Variants in EYS observed in about 807,000 individuals in gnomAD.
The protein encoded by EYS is EGF-like photoreceptor maintenance factor.
In EYS, 250 loss-of-function variants were observed where a neutral mutation model predicts 282.1. The observed-to-expected ratio is 0.89, with a 90% confidence interval of 0.80 to 0.98. The LOEUF (loss-of-function observed/expected upper bound fraction) is 0.98, where lower values mean the gene tolerates loss of function less well. Ranked by LOEUF, EYS falls within the 50% of genes least tolerant of loss-of-function variation. EYS has a pLI of 0.00. For missense variants in EYS, 4,016 were observed against 3,709.0 expected, an observed-to-expected ratio of 1.08 and a Z score of -2.15; for synonymous variants, 1,355 against 1,282.9, an observed-to-expected ratio of 1.06 and a Z score of -1.20.
chr6:64,870,387 T>C (rs1176787665), intron 19 of EYS, among the ~76,000 whole-genome samples: 1 of 132,054 alleles, frequency 7.6e-6, no homozygotes, highest in Non-Finnish European at 1.7e-5. Context: ...ATTAAAAAAC[T>C]AAAAATAAAC....
intron 12 of EYS, among the ~76,000 whole-genome samples, chr6:65,072,298 G>A (rs1475049883): frequency 6.6e-6 from 1 of 151,736 alleles, no homozygotes; most frequent in Non-Finnish European, 1.5e-5. Flanking sequence ...ACAATAGTAG[G>A]AGAAGGAATC....
intron 26 of EYS, among the ~76,000 whole-genome samples, chr6:64,551,191 CATATATACACACATATATAT>C (rs1364189570): frequency 1.4e-5 from 2 of 147,658 alleles, no homozygotes; most frequent in South Asian, 2.1e-4. Context: ...CACATATATA[CATATATACACACATATATAT>C]ATATACATAT....
At chr6:64,754,794 T>A (rs941370181) in intron 22 of EYS, among the ~76,000 whole-genome samples, 2 of 152,084 alleles carry the variant, frequency 1.3e-5, no homozygotes, top group African/African-American at 4.8e-5. Context: ...AAGTAAGCTA[T>A]CTCAAAAGTA....
chr6:63,758,891 G>A (rs1414669148), intron 41 of EYS, among the ~76,000 whole-genome samples: 1 of 151,974 alleles, frequency 6.6e-6, no homozygotes, highest in Non-Finnish European at 1.5e-5. Flanking sequence ...AAAAGAAGGT[G>A]GGCAGACCTG....
chr6:65,428,552 G>A (rs1269179026), intron 5 of EYS, among the ~76,000 whole-genome samples: 2 of 151,664 alleles, frequency 1.3e-5, no homozygotes, highest in African/African-American at 4.8e-5. Context: ...ATCCAAGCTG[G>A]AATTGTATGC....
intron 26 of EYS, among the ~76,000 whole-genome samples, chr6:64,451,947 A>G (rs1053581755): frequency 3.9e-5 from 6 of 152,352 alleles, no homozygotes; most frequent in African/African-American, 1.4e-4. Context: ...GAAATGTGGC[A>G]CAAGACAGGG....
rs70999172 is a variant in EYS at position 64,766,649 on chromosome 6, AATATATATATATATATATAT to A, written c.3443+46709_3443+46728del. On this transcript the variant is annotated intron_variant, in intron 22 of 42. Transcript: ENST00000503581. Reference sequence around the variant, plus strand: ...TCCGTCTCAAAAAAAAAAAAAAAAAAATATATATATATATATATATATATATATATATATAAAATCTAACA... The same window carrying A: ...TCCGTCTCAAAAAAAAAAAAAAAAAAATATATATATATATAAAATCTAACA... 5.2e-4 allele frequency among the ~76,000 whole-genome samples: 10 copies of A among 19,068 alleles called. 1 individual carries two copies. Among genetic ancestry groups the A allele is most frequent in the African/African-American group, 1.5e-3 (8 of 5,498 alleles). 12.5% of individuals were successfully genotyped at this position (19,068 alleles called of 152,430 possible).
At chr6:63,744,758 G>A (rs1769171088) in intron 41 of EYS, 1 of 185,408 alleles carries the variant, frequency 5.4e-6, no homozygotes, top group Non-Finnish European at 1.1e-5. Context: ...AGTAGAGACG[G>A]GGTTTCCCCA....
intron 2 of EYS, among the ~76,000 whole-genome samples, chr6:65,632,339 AGT>A (rs1766946410): frequency 6.6e-6 from 1 of 152,160 alleles, no homozygotes; most frequent in Non-Finnish European, 1.5e-5. Flanking sequence ...GCATTTTGGA[AGT>A]GTAAATACTC....
chr6:64,649,925 C>A (rs1420133474), intron 22 of EYS, among the ~76,000 whole-genome samples: 1 of 152,078 alleles, frequency 6.6e-6, no homozygotes, highest in Non-Finnish European at 1.5e-5. Flanking sequence ...ATGGACTACT[C>A]ACAGAAATTA....
intron 14 of EYS, among the ~76,000 whole-genome samples, chr6:64,979,924 A>G (rs1770596582): frequency 6.6e-6 from 1 of 151,588 alleles, no homozygotes; most frequent in Non-Finnish European, 1.5e-5. Context: ...AAAGTAAATA[A>G]TATTTTCAAC....
intron 12 of EYS, among the ~76,000 whole-genome samples, chr6:65,222,548 G>C (rs771307092): frequency 2.6e-4 from 40 of 152,188 alleles, no homozygotes; most frequent in Non-Finnish European, 5.3e-4. Flanking sequence ...CTCAGTCTCA[G>C]TATGTCTTTA....
At chr6:65,052,623 G>A (rs1186822428) in intron 13 of EYS, among the ~76,000 whole-genome samples, 1 of 151,558 alleles carries the variant, frequency 6.6e-6, no homozygotes, top group Admixed American at 6.6e-5. Flanking sequence ...TACATGAAAA[G>A]CATGAGGTTT....
chr6:64,845,371 C>G (rs189191808), intron 19 of EYS, among the ~76,000 whole-genome samples: 18 of 152,216 alleles, frequency 1.2e-4, no homozygotes, highest in Admixed American at 1.1e-3. Context: ...CCTAAACATA[C>G]TAAGTTTCCT....
chr6:65,128,664 A>T (rs141166998), intron 12 of EYS, among the ~76,000 whole-genome samples: 1 of 152,182 alleles, frequency 6.6e-6, no homozygotes, highest in East Asian at 1.9e-4. Flanking sequence ...CTCCTGAGAG[A>T]TTACACAAAT....
At chr6:65,629,992 A>G (rs887169689) in intron 2 of EYS, among the ~76,000 whole-genome samples, 2 of 152,228 alleles carry the variant, frequency 1.3e-5, no homozygotes, top group African/African-American at 4.8e-5. Flanking sequence ...AAGAACTCCC[A>G]AAGGTCAATC....
intron 26 of EYS, among the ~76,000 whole-genome samples, chr6:64,473,444 C>CCAA (rs1345728897): frequency 6.6e-6 from 1 of 152,070 alleles, no homozygotes; most frequent in Non-Finnish European, 1.5e-5. Flanking sequence ...GCAGTCAGTA[C>CCAA]CAACTGACAC....
At chr6:65,466,918 G>C (rs774383290) in intron 5 of EYS, among the ~76,000 whole-genome samples, 1 of 152,152 alleles carries the variant, frequency 6.6e-6, no homozygotes, top group Non-Finnish European at 1.5e-5. Context: ...AGCAGCTTAG[G>C]CTTTATCACC....
At chr6:64,110,141 G>A (rs916829187) in intron 31 of EYS, among the ~76,000 whole-genome samples, 2 of 151,830 alleles carry the variant, frequency 1.3e-5, no homozygotes, top group Non-Finnish European at 2.9e-5. Context: ...GGTGATTAAC[G>A]ATATTTTGTT....
Sources: allele counts gnomAD v4.1 joint callset (sites outside exome capture counted in the v4.1 genomes callset), GRCh38; gene constraint gnomAD v4.1.1; transcripts MANE v1.5; gene names NCBI Gene and HGNC (gene_info 2026-07-23, HGNC 2026-07-21).